IQCH: variants seen among roughly 807,000 people sequenced by gnomAD.
The protein encoded by IQCH is IQ domain-containing protein H.
IQCH carries 98 observed loss-of-function variants against 117.0 expected under a neutral mutation model. That is an observed-to-expected ratio of 0.84 (90% CI 0.71 to 0.99). IQCH has a LOEUF of 0.99. IQCH is among the 50% of genes least tolerant of loss of function. The probability of loss-of-function intolerance (pLI) is 0.00; values close to 1 mark genes in which losing one functional copy is unlikely to be tolerated. For missense variants in IQCH, 1,102 were observed against 1,243.8 expected, an observed-to-expected ratio of 0.89 and a Z score of 1.72; for synonymous variants, 412 against 448.2, an observed-to-expected ratio of 0.92 and a Z score of 1.02.
At chr15:67,311,276 CTATTT>C (rs563566240) in intron 4 of IQCH, among the ~76,000 whole-genome samples, 48 of 152,068 alleles carry the variant, frequency 3.2e-4, no homozygotes, top group Non-Finnish European at 2.8e-4. Context: ...AAAATTTCTA[CTATTT>C]TAAAGTTTCT....
At chr15:67,469,502 A>C (rs1207783908) in intron 17 of IQCH, among the ~76,000 whole-genome samples, 1 of 152,240 alleles carries the variant, frequency 6.6e-6, no homozygotes, top group Non-Finnish European at 1.5e-5. Context: ...TCTTTTAGAA[A>C]GGAGTAATAT....
chr15:67,462,674 AT>A (rs1430028888), intron 16 of IQCH, among the ~76,000 whole-genome samples: 1 of 152,062 alleles, frequency 6.6e-6, no homozygotes. Context: ...GCTGCCTCCT[AT>A]TAAAATCCTT....
At chr15:67,339,344 G>A (rs750666126) in intron 5 of IQCH, among the ~76,000 whole-genome samples, 27 of 151,996 alleles carry the variant, frequency 1.8e-4, no homozygotes, top group Non-Finnish European at 3.7e-4. Context: ...AATGAACACA[G>A]GTCAAAGATT....
At chr15:67,304,415 A>G (rs1244464832) in intron 4 of IQCH, 12 of 1,532,724 alleles carry the variant, frequency 7.8e-6, no homozygotes, top group South Asian at 3.6e-5. Context: ...AATGCGAACT[A>G]TGGAATCAGT....
intron 4 of IQCH, among the ~76,000 whole-genome samples, chr15:67,329,342 GA>G (rs902041676): frequency 2.0e-5 from 3 of 151,922 alleles, no homozygotes; most frequent in African/African-American, 7.2e-5. Context: ...TGTTTACATG[GA>G]AAAAAACCCA....
chr15:67,459,732 T>G lies in IQCH; in HGVS notation c.2506-5395T>G, dbSNP rs1021167248. The G allele has an allele frequency of 1.1e-4, 17 of 152,318 alleles. No homozygotes were observed. The highest frequency in any genetic ancestry group is 8.5e-4 in the Admixed American group (13 of 15,276). 9.4% of individuals were successfully genotyped at this position (152,318 alleles called of 1,614,324 possible). ...AGATGCAGCTGTGGTTCACACGGCA[T>G]CCAGCACAGTAGCAGTCAGGGCAGT... is the stretch of plus-strand genomic sequence containing the variant. On this transcript the variant is annotated intron_variant, in intron 16 of 20. Coordinates refer to ENST00000335894, the MANE Select transcript of IQCH (RefSeq NM_001031715.3). This position sits in a 1 kb window ranked among gnomAD's most constrained non-coding sequence, Gnocchi z 4.2.
intron 12 of IQCH, among the ~76,000 whole-genome samples, chr15:67,394,885 A>G (rs1488337155): frequency 6.6e-6 from 1 of 152,170 alleles, no homozygotes; most frequent in Non-Finnish European, 1.5e-5. Flanking sequence ...AGGAATTTAT[A>G]AAGTAAAGAA....
At chr15:67,279,271 T>C in intron 3 of IQCH, 124 bp from the exon 4 acceptor site, 1 of 608,014 alleles carries the variant, frequency 1.6e-6, no homozygotes, top group Non-Finnish European at 2.9e-6. Flanking sequence ...TAATTTATTG[T>C]AATTACCAAT....
chr15:67,452,654 A>G (rs1041550638), intron 16 of IQCH, among the ~76,000 whole-genome samples: 1 of 152,168 alleles, frequency 6.6e-6, no homozygotes, highest in African/African-American at 2.4e-5. Context: ...GGCTGCCCTT[A>G]ACATTTTTTC....
chr15:67,268,203 C>T (rs1035881403), intron 3 of IQCH, among the ~76,000 whole-genome samples: 17 of 152,152 alleles, frequency 1.1e-4, no homozygotes, highest in Non-Finnish European at 2.9e-5. Flanking sequence ...AAAATCTGGT[C>T]GTTTTGTCTG....
In IQCH at chr15:67,421,365, G is replaced by A. The variant is rs147731503; in HGVS notation, c.2293G>A (p.Gly765Arg). 128 of 1,614,128 alleles carry A rather than the reference G, an allele frequency of 7.9e-5. No homozygotes were observed. The African/African-American group carries it at 8.8e-4, about 11-fold the overall frequency. The change falls in exon 16 of 21, where the codon GGG becomes AGG. Residue 765 changes from glycine to arginine, a missense_variant. Physicochemically the swap from Gly to Arg is moderately radical, Grantham distance 125. Transcript: ENST00000335894. ...LTVDMLIEPN[G>R]KISVLSTGDQ... Reference sequence around the variant, plus strand: ...AGTGGACATGCTGATAGAGCCCAACGGGAAAATCAGCGTGCTGTCGACAGG... The same window carrying A: ...AGTGGACATGCTGATAGAGCCCAACAGGAAAATCAGCGTGCTGTCGACAGG...
At chr15:67,420,951 T>C (rs2081721630) in intron 15 of IQCH, among the ~76,000 whole-genome samples, 1 of 152,186 alleles carries the variant, frequency 6.6e-6, no homozygotes, top group South Asian at 2.1e-4. Flanking sequence ...CATGAGGGAT[T>C]TGACCATAAT....
chr15:67,373,203 G>A (rs1970614349), intron 9 of IQCH, among the ~76,000 whole-genome samples, 164 bp from the exon 10 acceptor site: 1 of 152,000 alleles, frequency 6.6e-6, no homozygotes, highest in Non-Finnish European at 1.5e-5. Context: ...GCATCATGTA[G>A]CCACCTAATT....
chr15:67,323,946 T>C (rs1968269279), intron 4 of IQCH, among the ~76,000 whole-genome samples: 1 of 140,576 alleles, frequency 7.1e-6, no homozygotes, highest in African/African-American at 2.7e-5. Flanking sequence ...TTTCTTTTTT[T>C]TTTTTTTTTT....
At chr15:67,282,967 C>T (rs1966424025) in intron 4 of IQCH, among the ~76,000 whole-genome samples, 1 of 151,920 alleles carries the variant, frequency 6.6e-6, no homozygotes, top group Non-Finnish European at 1.5e-5. Context: ...GTTACACTAA[C>T]CTTTCACTTT....
intron 4 of IQCH, among the ~76,000 whole-genome samples, chr15:67,299,404 A>T (rs1303214343): frequency 1.3e-5 from 2 of 152,090 alleles, no homozygotes; most frequent in Non-Finnish European, 2.9e-5. Flanking sequence ...CTCAACAATA[A>T]TTTATTGTAC....
rs1312604108 is a variant in IQCH, at chr15:67,283,330, T to C, written c.387+3818T>C. 4.6e-5 allele frequency among the ~76,000 whole-genome samples: 7 copies of C among 152,182 alleles called. No individual in the cohort carries two copies. The East Asian group carries it at 7.7e-4, about 17-fold the overall frequency. ...TACAGTACAAGTACGTATGCAGATA[T>C]GTAGGGTTTGTGTTGGTTATGAATT... On this transcript the variant is annotated intron_variant, in intron 4 of 20. Coordinates refer to ENST00000335894, the MANE Select transcript of IQCH (RefSeq NM_001031715.3).
intron 16 of IQCH, among the ~76,000 whole-genome samples, chr15:67,444,006 C>A (rs1303347972): frequency 6.6e-6 from 1 of 152,210 alleles, no homozygotes; most frequent in East Asian, 1.9e-4. Flanking sequence ...TATTTGGCTG[C>A]CAAGCCTGTG....
chr15:67,255,033 C>T, intron 1 of IQCH, 86 bp downstream of exon 1: 1 of 1,324,460 alleles, frequency 7.6e-7, no homozygotes, highest in South Asian at 1.2e-5. Context: ...CCGACGCTCA[C>T]CCATTTGGTG....
Sources: allele counts gnomAD v4.1 joint callset (sites outside exome capture counted in the v4.1 genomes callset), GRCh38; gene constraint gnomAD v4.1.1; non-coding constraint Gnocchi (gnomAD v3.1); transcripts MANE v1.5; gene names NCBI Gene and HGNC (gene_info 2026-07-23, HGNC 2026-07-21).